Variants in SLC25A21 observed in about 807,000 individuals in gnomAD.
The protein encoded by SLC25A21 is mitochondrial 2-oxodicarboxylate carrier.
In SLC25A21, 47 loss-of-function variants were observed where a neutral mutation model predicts 43.8. That is an observed-to-expected ratio of 1.07 (90% CI 0.85 to 1.37). The LOEUF (loss-of-function observed/expected upper bound fraction) is 1.37, where lower values mean the gene tolerates loss of function less well. Among genes scored for constraint, SLC25A21 ranks in the 40% most tolerant of loss-of-function variants. The pLI is 0.00. For synonymous variants in SLC25A21, 131 were observed against 121.3 expected, an observed-to-expected ratio of 1.08 and a Z score of -0.52; for missense variants, 352 against 350.2, an observed-to-expected ratio of 1.00 and a Z score of -0.04.
intron 2 of SLC25A21, among the ~76,000 whole-genome samples, chr14:36,828,949 T>C (rs1888935207): frequency 6.6e-6 from 1 of 152,164 alleles, no homozygotes; most frequent in African/African-American, 2.4e-5. Context: ...TTCCCCAGGT[T>C]GGAGTGGAGT....
rs1308026564 is a variant in SLC25A21, at chr14:36,799,074, G to T, written c.203+14844C>A. Among the ~76,000 whole-genome samples, 3 of 152,146 alleles carry T rather than the reference G, an allele frequency of 2.0e-5. No homozygotes were observed. In the East Asian group the frequency reaches 5.8e-4, roughly 29 times the overall value. On this transcript the variant is annotated intron_variant, in intron 3 of 9. Coordinates refer to ENST00000331299, the MANE Select transcript of SLC25A21 (RefSeq NM_030631.4). ...TCAGGTCTGAATGAATACTCCCTTTGTTCTATACAATAAATGTATGATCTT... is the reference window on the plus strand; with the variant it reads ...TCAGGTCTGAATGAATACTCCCTTTTTTCTATACAATAAATGTATGATCTT...
chr14:37,031,471 C>T (rs556030655), intron 1 of SLC25A21, among the ~76,000 whole-genome samples: 2 of 152,240 alleles, frequency 1.3e-5, no homozygotes, highest in African/African-American at 4.8e-5. Context: ...TATAATAAAA[C>T]TTCAGTAGAA....
At chr14:36,936,725 T>C (rs893824626) in intron 1 of SLC25A21, among the ~76,000 whole-genome samples, 1 of 152,210 alleles carries the variant, frequency 6.6e-6, no homozygotes, top group Non-Finnish European at 1.5e-5. Context: ...TCTGTTTCAA[T>C]ATGATAGTTT....
intron 6 of SLC25A21, among the ~76,000 whole-genome samples, chr14:36,724,261 C>T (rs1884494539): frequency 2.0e-5 from 3 of 152,126 alleles, no homozygotes; most frequent in African/African-American, 4.8e-5. Context: ...TGAGTAGATA[C>T]CATCTACTGT....
chr14:36,936,552 CA>C (rs1892429585), intron 1 of SLC25A21, among the ~76,000 whole-genome samples: 1 of 152,110 alleles, frequency 6.6e-6, no homozygotes, highest in Non-Finnish European at 1.5e-5. Flanking sequence ...AACCACAGAC[CA>C]GAACCTCTCA....
rs1255432081 is a variant in SLC25A21 at position 36,711,413 on chromosome 14, T to C, written c.508A>G (p.Lys170Glu). ...KEGWGLQGLN[K>E]GLTATLGRHG... Reference sequence around the variant, plus strand: ...CGTCCCAAAGTTGCAGTTAATCCTTTGTTGAGGCCCTGGAGTCCCCAGCCT... The same window carrying C: ...CGTCCCAAAGTTGCAGTTAATCCTTCGTTGAGGCCCTGGAGTCCCCAGCCT... Residue 170 changes from lysine (K) to glutamate (E), a missense_variant, in exon 7 of 10, where the codon AAA (lysine) becomes GAA (glutamate). By Grantham distance (56) the Lys-to-Glu change is moderately conservative. Coordinates refer to ENST00000331299, the MANE Select transcript of SLC25A21 (RefSeq NM_030631.4). 6.2e-7 allele frequency: 1 copy of C among 1,614,162 alleles called. No homozygotes were observed. Among genetic ancestry groups the C allele is most frequent in the Non-Finnish European group, 8.5e-7 (1 of 1,180,030 alleles).
At chr14:36,791,710 C>T (rs182446055) in intron 3 of SLC25A21, among the ~76,000 whole-genome samples, 9 of 152,158 alleles carry the variant, frequency 5.9e-5, no homozygotes, top group Admixed American at 5.2e-4. Flanking sequence ...TAGGAAAATT[C>T]CACAATGCAA....
intron 1 of SLC25A21, among the ~76,000 whole-genome samples, chr14:37,030,362 T>C (rs1220006555): frequency 6.6e-6 from 1 of 151,962 alleles, no homozygotes; most frequent in African/African-American, 2.4e-5. Context: ...CCCGGGTCGT[T>C]TGAGGGTCAA....
At chr14:36,964,612 G>C (rs932914729) in intron 1 of SLC25A21, among the ~76,000 whole-genome samples, 9 of 152,216 alleles carry the variant, frequency 5.9e-5, no homozygotes, top group Admixed American at 2.6e-4. Flanking sequence ...TCTTGTGAGA[G>C]TGCAATAAAA....
chr14:36,945,878 T>C (rs534491953), intron 1 of SLC25A21, among the ~76,000 whole-genome samples: 3 of 152,170 alleles, frequency 2.0e-5, no homozygotes, highest in Non-Finnish European at 4.4e-5. Flanking sequence ...TTTTATGTTA[T>C]GTGTATTTTG....
chr14:36,872,806 G>T lies in SLC25A21; in HGVS notation c.119+2150C>A, dbSNP rs150959485. Among the ~76,000 whole-genome samples, 1,374 of 152,270 alleles carry T rather than the reference G, an allele frequency of 9.0e-3. 21 individuals carry two copies. Among genetic ancestry groups the T allele is most frequent in the Middle Eastern group, 0.031 (9 of 294 alleles). On this transcript the variant is annotated intron_variant, in intron 2 of 9. Coordinates refer to ENST00000331299, the MANE Select transcript of SLC25A21 (RefSeq NM_030631.4). ...AAAAGATATAAAGCCCCAGTAACTT[G>T]TTATATCCATTTCAAGAAGTTTTCA...
rs35856297 is a variant in SLC25A21, at chr14:36,776,238, CTTTT to C, written c.203+37676_203+37679del. 3.3e-5 allele frequency among the ~76,000 whole-genome samples: 3 copies of C among 89,902 alleles called. 1 individual carries two copies. The highest frequency in any genetic ancestry group is 3.1e-4 in the Admixed American group (2 of 6,412). 59.0% of individuals were successfully genotyped at this position (89,902 alleles called of 152,430 possible). A position where few individuals can be genotyped will look rare whatever the true frequency, so the allele number is the denominator to read the frequency against. On this transcript the variant is annotated intron_variant, in intron 3 of 9. Coordinates refer to ENST00000331299, the MANE Select transcript of SLC25A21 (RefSeq NM_030631.4). ...CTTTTTTCTTTTTCTTTCTTTCTTT[CTTTT>C]TTTTTTTTTTTTGAGATGGAGTCTC... is the stretch of plus-strand genomic sequence containing the variant.
chr14:36,878,839 G>A (rs143212121), intron 1 of SLC25A21, among the ~76,000 whole-genome samples: 1,621 of 151,998 alleles, frequency 0.011, 24 homozygotes, highest in Middle Eastern at 0.031. Context: ...TACCAACCTG[G>A]CATTTATTAC....
chr14:36,944,415 G>T lies in SLC25A21; in HGVS notation c.71-69411C>A, dbSNP rs1892636173. Among the ~76,000 whole-genome samples the T allele has an allele frequency of 4.6e-5, 7 of 152,114 alleles. No individual in the cohort carries two copies. The South Asian group carries it at 1.5e-3, about 32-fold the overall frequency. On this transcript the variant is annotated intron_variant, in intron 1 of 9. Coordinates refer to ENST00000331299, the MANE Select transcript of SLC25A21 (RefSeq NM_030631.4). Reference sequence around the variant, plus strand: ...GTGGAGGGCATAGGGTATCAAGGAAGGCTTTCTGAAGGAGGCAGCTGGGCC... The same window carrying T: ...GTGGAGGGCATAGGGTATCAAGGAATGCTTTCTGAAGGAGGCAGCTGGGCC...
intron 6 of SLC25A21, among the ~76,000 whole-genome samples, chr14:36,714,138 G>A (rs906549069): frequency 2.0e-5 from 3 of 152,182 alleles, no homozygotes; most frequent in Non-Finnish European, 2.9e-5. Flanking sequence ...AGGTGTTAAC[G>A]ATAATGGCAA....
At chr14:36,878,400 G>C (rs1019439323) in intron 1 of SLC25A21, among the ~76,000 whole-genome samples, 1 of 152,196 alleles carries the variant, frequency 6.6e-6, no homozygotes, top group Admixed American at 6.5e-5. Flanking sequence ...GAACAGAAAT[G>C]TTGGAAATTA....
chr14:36,796,042 A>G (rs1046126842), intron 3 of SLC25A21, among the ~76,000 whole-genome samples: 43 of 152,320 alleles, frequency 2.8e-4, no homozygotes, highest in Middle Eastern at 3.4e-3. Context: ...TGTCTGATTG[A>G]GAGATGAAAT....
chr14:37,026,158 A>G (rs1046631961), intron 1 of SLC25A21, among the ~76,000 whole-genome samples: 5 of 152,148 alleles, frequency 3.3e-5, no homozygotes, highest in African/African-American at 9.7e-5. Context: ...TTTTAGCTTC[A>G]AGTCATAGCT....
chr14:37,062,606 G>A (rs915490862), intron 1 of SLC25A21, among the ~76,000 whole-genome samples: 2 of 152,084 alleles, frequency 1.3e-5, no homozygotes, highest in African/African-American at 2.4e-5. Flanking sequence ...ATTTGCAGGT[G>A]GCTATACACT....
Sources: allele counts gnomAD v4.1 joint callset (sites outside exome capture counted in the v4.1 genomes callset), GRCh38; gene constraint gnomAD v4.1.1; transcripts MANE v1.5; gene names NCBI Gene and HGNC (gene_info 2026-07-23, HGNC 2026-07-21).